NCAPG: variants seen among roughly 807,000 people sequenced by gnomAD.
The protein encoded by NCAPG is condensin complex subunit 3.
In NCAPG, 69 loss-of-function variants were observed where a neutral mutation model predicts 113.1. The ratio of observed to expected loss-of-function variants is 0.61; its 90% confidence interval spans 0.50 to 0.75. NCAPG has a LOEUF of 0.75. Ranked by LOEUF, NCAPG falls within the 30% of genes least tolerant of loss-of-function variation. The pLI is 0.00. For synonymous variants in NCAPG, 370 were observed against 415.8 expected (o/e 0.89, Z 1.34); for missense variants, 1,058 against 1,177.0 (o/e 0.90, Z 1.48).
At chr4:17,817,583 T>TC (rs1205835368) in intron 6 of NCAPG, 130 bp downstream of exon 6, 28 of 740,906 alleles carry the variant, frequency 3.8e-5, no homozygotes, top group South Asian at 2.0e-4. Context: ...TTTCTTTTAG[T>TC]CTGATGAATA....
chr4:17,811,175 G>T lies in NCAPG; in HGVS notation c.98G>T (p.Arg33Leu), dbSNP rs1024810912. The change falls in exon 1 of 21, where the codon CGC (arginine) becomes CTC (leucine). Residue 33 changes from arginine (R) to leucine (L), a missense_variant. Physicochemically the swap from Arg to Leu is moderately radical, Grantham distance 102 (BLOSUM62 -2). Coordinates refer to ENST00000251496, the MANE Select transcript of NCAPG (RefSeq NM_022346.5). This position sits in a 1 kb window ranked among gnomAD's most constrained non-coding sequence, Gnocchi z 5.3. ...GCGAAGCTGGTGGTGGCGCTGAGCC[G>T]CACCTACCGCACGGTAAGCGCTCCC... is the stretch of plus-strand genomic sequence containing the variant. ...NQAKLVVALS[R>L]TYRTMDDKTV... 78 of 1,485,056 alleles carry T rather than the reference G, an allele frequency of 5.3e-5. No individual in the cohort carries two copies. The highest frequency in any genetic ancestry group is 6.7e-5 in the Non-Finnish European group (74 of 1,112,682). The allele number at this position is 1,485,056 out of a possible 1,614,324, so 92.0% of individuals were successfully genotyped here.
intron 16 of NCAPG, 31 bp from the exon 17 acceptor site, chr4:17,839,645 A>G (rs368134465): frequency 2.1e-6 from 3 of 1,417,400 alleles, no homozygotes; most frequent in African/African-American, 1.5e-5. Context: ...ATCATCTTCA[A>G]TTTACAGAGA....
At chr4:17,835,955 G>C (rs1722077351) in intron 14 of NCAPG, among the ~76,000 whole-genome samples, 1 of 152,144 alleles carries the variant, frequency 6.6e-6, no homozygotes, top group South Asian at 2.1e-4. Context: ...GTATTTGTTT[G>C]AGTAGCTGTT....
rs1056299622 is a variant in NCAPG, at chr4:17,825,257, G to A, written c.1474-125G>A. On this transcript the variant is annotated intron_variant, in intron 10 of 20. Coordinates refer to ENST00000251496, the MANE Select transcript of NCAPG (RefSeq NM_022346.5). The stretch of plus-strand genomic sequence containing the variant: ...GATCTCTGTGTCAGGAAAACTACAA[G>A]TTTGCATATGCCTGACTCATTAAAT... 25 of 903,426 alleles carry A rather than the reference G, an allele frequency of 2.8e-5. No homozygotes were observed. In the South Asian group the frequency reaches 3.1e-4, roughly 11 times the overall value. 56.0% of individuals were successfully genotyped at this position (903,426 alleles called of 1,614,324 possible). A position where few individuals can be genotyped will look rare whatever the true frequency, so the allele number is the denominator to read the frequency against.
chr4:17,825,391 A>G lies in NCAPG; in HGVS notation c.1483A>G (p.Ile495Val), dbSNP rs748525368. ...TTATATCTTCCCTTAGATGGCTGAA[A>G]TAAAAGTTAAGCTTATCGAAGCCAA... ...VRKKELKMAE[I>V]KVKLIEAKEA... The change falls in exon 11 of 21, where the codon ATA becomes GTA. Residue 495 changes from isoleucine (I) to valine (V), a missense_variant. Coordinates refer to ENST00000251496, the MANE Select transcript of NCAPG (RefSeq NM_022346.5). 6.3e-7 allele frequency: 1 copy of G among 1,582,314 alleles called. No individual in the cohort carries two copies. Among genetic ancestry groups the G allele is most frequent in the South Asian group, 1.2e-5 (1 of 86,358 alleles).
At position 17,832,267 on chromosome 4, in the gene NCAPG, G is replaced by T. The variant is rs570627063; in HGVS notation, c.1884+1151G>T. ...GTATGGAAGCAGGGATACTAATAAG[G>T]AGGGTATTTGATAATCTAGGAAAGC... On this transcript the variant is annotated intron_variant, in intron 13 of 20. Coordinates refer to ENST00000251496, the MANE Select transcript of NCAPG (RefSeq NM_022346.5). 7.0e-4 allele frequency among the ~76,000 whole-genome samples: 106 copies of T among 152,280 alleles called. 1 individual carries two copies. In the East Asian group the frequency reaches 0.02, roughly 29 times the overall value.
At position 17,830,971 on chromosome 4, in the gene NCAPG, TA is replaced by T. The variant is rs1721845445; in HGVS notation, c.1765-25del. The T allele has an allele frequency of 1.9e-6, 3 of 1,599,782 alleles. No individual in the cohort carries two copies. The African/African-American group carries it at 4.0e-5, about 21-fold the overall frequency. On this transcript the variant is annotated intron_variant, in intron 12 of 20. Coordinates refer to ENST00000251496, the MANE Select transcript of NCAPG (RefSeq NM_022346.5). ...GAAATGAAGTAGATCTATGAAATCA[TA>T]TGGAAAATTTCTGATTCATTTTAGA...
intron 1 of NCAPG, 127 bp from the exon 2 acceptor site, chr4:17,812,094 G>A (rs1253914539): frequency 1.4e-6 from 1 of 740,178 alleles, no homozygotes; most frequent in African/African-American, 1.8e-5. Flanking sequence ...ATAATTAAGA[G>A]TTTACTAAAT....
In NCAPG at chr4:17,839,771, G is replaced by C. The variant is rs375067119; in HGVS notation, c.2562G>C (p.Leu854Phe). 8.8e-6 allele frequency: 14 copies of C among 1,584,960 alleles called. No individual in the cohort carries two copies. The highest frequency in any genetic ancestry group is 1.1e-5 in the Non-Finnish European group (13 of 1,173,170). Residue 854 changes from leucine (L) to phenylalanine (F), a missense_variant, in exon 17 of 21, where the codon TTG becomes TTC. Transcript: ENST00000251496. ...AAATTCGAGTCTATACAAAAGCCTT[G>C]AGTTCTTTAGAACTCAGTAGCCATC... ...SPEIRVYTKA[L>F]SSLELSSHLA...
At chr4:17,820,206 C>T (rs1378779145) in intron 7 of NCAPG, among the ~76,000 whole-genome samples, 4 of 152,144 alleles carry the variant, frequency 2.6e-5, no homozygotes, top group African/African-American at 9.7e-5. Flanking sequence ...AAGCTTGATT[C>T]CTCCCTTCTG....
At chr4:17,837,906 T>C in intron 16 of NCAPG, 105 bp downstream of exon 16, 1 of 1,227,158 alleles carries the variant, frequency 8.1e-7, no homozygotes, top group South Asian at 1.3e-5. Context: ...TTTAGACTTC[T>C]GTCTCAAGCA....
In NCAPG at chr4:17,840,161, G is replaced by A. The variant is rs1168186619; in HGVS notation, c.2719G>A (p.Ala907Thr). Residue 907 changes from alanine to threonine, a missense_variant, in exon 18 of 21, where the codon GCA (alanine) becomes ACA (threonine). Transcript: ENST00000251496. ...GNKEFGDQAEAAQDATLTTTT... is the reference protein window; with the variant it reads ...GNKEFGDQAETAQDATLTTTT... ...TAAAGAATTTGGTGACCAAGCTGAA[G>A]CAGCACAGGATGCCACCTTGACTAC... 6.2e-7 allele frequency: 1 copy of A among 1,611,540 alleles called. No individual in the cohort carries two copies. The highest frequency in any genetic ancestry group is 8.5e-7 in the Non-Finnish European group (1 of 1,178,890).
chr4:17,820,173 AG>A (rs1455112108), intron 7 of NCAPG, among the ~76,000 whole-genome samples: 1 of 152,218 alleles, frequency 6.6e-6, no homozygotes, highest in African/African-American at 2.4e-5. Flanking sequence ...CCTCAAGGAC[AG>A]CATCAGAAGG....
At position 17,811,034 on chromosome 4, in the gene NCAPG, T is replaced by C; in HGVS notation, c.-44T>C. On this transcript the variant is annotated 5_prime_UTR_variant, in exon 1 of 21. Transcript: ENST00000251496. The surrounding 1 kb of genome is among the most constrained non-coding windows in gnomAD (Gnocchi z 5.3). The stretch of plus-strand genomic sequence containing the variant: ...TCTGGGTTGGCGGGCTGGCAGGCTG[T>C]AGCCGAGCGCGGGCAGGACTCGTCC... 1 of 1,300,708 alleles carries C rather than the reference T, an allele frequency of 7.7e-7. No homozygotes were observed. The highest frequency in any genetic ancestry group is 1.0e-6 in the Non-Finnish European group (1 of 966,182). The allele number at this position is 1,300,708 out of a possible 1,614,324, so 80.6% of individuals were successfully genotyped here.
intron 6 of NCAPG, 99 bp from the exon 7 acceptor site, chr4:17,817,839 GT>G: frequency 8.4e-7 from 1 of 1,194,598 alleles, no homozygotes; most frequent in African/African-American, 1.6e-5. Context: ...GGATAGTGTA[GT>G]GGTTTTAAAG....
chr4:17,840,679 T>G lies in NCAPG; in HGVS notation c.2840T>G (p.Leu947Arg). ...KATQASKSTQLKTNRGQRKVT... is the reference protein window; with the variant it reads ...KATQASKSTQRKTNRGQRKVT... ...ACCCAAGCATCAAAGTCTACTCAGCTAAAGACTAACAGAGGTAGTGTGTGG... is the reference window on the plus strand; with the variant it reads ...ACCCAAGCATCAAAGTCTACTCAGCGAAAGACTAACAGAGGTAGTGTGTGG... The change falls in exon 19 of 21, where the codon CTA becomes CGA. Residue 947 changes from leucine to arginine, a missense_variant. Transcript: ENST00000251496. 6.5e-7 allele frequency: 1 copy of G among 1,549,422 alleles called. No individual in the cohort carries two copies. The highest frequency in any genetic ancestry group is 8.7e-7 in the Non-Finnish European group (1 of 1,149,634).
At position 17,823,021 on chromosome 4, in the gene NCAPG, G is replaced by A; in HGVS notation, c.1157G>A (p.Arg386Lys). 2.5e-6 allele frequency: 4 copies of A among 1,608,594 alleles called. No individual in the cohort carries two copies. The African/African-American group carries it at 4.0e-5, about 16-fold the overall frequency. Residue 386 changes from arginine (R) to lysine (K), a missense_variant, in exon 8 of 21, where the codon AGA becomes AAA. Coordinates refer to ENST00000251496, the MANE Select transcript of NCAPG (RefSeq NM_022346.5). ...ATTCCAGTTGTTAATGAAGAACACA[G>A]AGGTGATTTTTCCTATATTGGAAAT... ...QSIPVVNEEH[R>K]GDFSYIGNLM...
chr4:17,816,317 CT>C (rs1721208321), intron 5 of NCAPG, among the ~76,000 whole-genome samples: 1 of 152,172 alleles, frequency 6.6e-6, no homozygotes, highest in African/African-American at 2.4e-5. Context: ...GTAGGAAGAG[CT>C]CAGGTGGTAA....
At position 17,823,109 on chromosome 4, in the gene NCAPG, TGAA is replaced by T. The variant is rs1232315146; in HGVS notation, c.1250_1252del (p.Glu417del). On this transcript the variant is annotated inframe_deletion, in exon 8 of 21. Transcript: ENST00000251496. The stretch of plus-strand genomic sequence containing the variant: ...TAATTATTAAGTCTTTGGATACCAG[TGAA>T]GAAGGAGGAAGGTATGTCTAAATGT... 2 of 1,607,874 alleles carry T rather than the reference TGAA, an allele frequency of 1.2e-6. No individual in the cohort carries two copies. The highest frequency in any genetic ancestry group is 1.1e-5 in the South Asian group (1 of 89,456).
Sources: allele counts gnomAD v4.1 joint callset (sites outside exome capture counted in the v4.1 genomes callset), GRCh38; gene constraint gnomAD v4.1.1; non-coding constraint Gnocchi (gnomAD v3.1); transcripts MANE v1.5; gene names NCBI Gene and HGNC (gene_info 2026-07-23, HGNC 2026-07-21).